Variants in AKAP6 observed in about 807,000 individuals in gnomAD.
The protein encoded by AKAP6 is A-kinase anchoring protein 6.
Under a neutral mutation model 188.5 loss-of-function variants are expected in AKAP6, and 58 were observed. The observed-to-expected ratio is 0.31, with a 90% CI of 0.25 to 0.38. The LOEUF is 0.38. Among genes scored for constraint, AKAP6 ranks in the 10% least tolerant of loss-of-function variants. The pLI is 1.00. For missense variants in AKAP6, 2,710 were observed against 2,740.0 expected (o/e 0.99, Z 0.24); for synonymous variants, 989 against 998.6 (o/e 0.99, Z 0.18).
chr14:32,823,610 T>C lies in AKAP6; in HGVS notation c.5797T>C (p.Cys1933Arg), dbSNP rs960493071. 6.2e-7 allele frequency: 1 copy of C among 1,613,862 alleles called. No homozygotes were observed. The highest frequency in any genetic ancestry group is 2.2e-5 in the East Asian group (1 of 44,872). The part of the protein sequence containing the change: ...HGKEISESEH[C>R]KCKALMDSLD... ...GAAAGAGATTTCAGAGAGTGAGCAT[T>C]GTAAGTGTAAAGCACTTATGGATAG... is the stretch of plus-strand genomic sequence containing the variant. Residue 1933 changes from cysteine to arginine, a missense_variant, in exon 13 of 14, where the codon TGT (cysteine) becomes CGT (arginine). By Grantham distance (180) the Cys-to-Arg change is radical. Coordinates refer to ENST00000280979, the MANE Select transcript of AKAP6 (RefSeq NM_004274.5).
intron 5 of AKAP6, among the ~76,000 whole-genome samples, chr14:32,585,043 T>C (rs948431614): frequency 5.3e-5 from 8 of 151,400 alleles, no homozygotes; most frequent in South Asian, 2.1e-4. Flanking sequence ...TTTTTTTTTT[T>C]CCCCTTTAAG....
At position 32,822,306 on chromosome 14, in the gene AKAP6, T is replaced by G; in HGVS notation, c.4493T>G (p.Leu1498Arg). 1 of 1,613,980 alleles carries G rather than the reference T, an allele frequency of 6.2e-7. No individual in the cohort carries two copies. Among genetic ancestry groups the G allele is most frequent in the Non-Finnish European group, 8.5e-7 (1 of 1,179,938 alleles). The change falls in exon 13 of 14, where the codon CTG becomes CGG. Residue 1498 changes from leucine to arginine, a missense_variant. Physicochemically the swap from Leu to Arg is moderately radical, Grantham distance 102. Transcript: ENST00000280979. ...QSEKAHVEDP[L>R]LRGFYFDKKS... The stretch of plus-strand genomic sequence containing the variant: ...GAAAAAGCGCATGTGGAGGATCCCC[T>G]GCTTCGTGGTTTTTATTTTGATAAA...
At chr14:32,813,490 T>C (rs943054878) in intron 12 of AKAP6, among the ~76,000 whole-genome samples, 3 of 144,828 alleles carry the variant, frequency 2.1e-5, no homozygotes, top group African/African-American at 7.6e-5. Flanking sequence ...AACCTGAGGC[T>C]ATCTCAGGAC....
chr14:32,489,620 GA>G (rs1879894015), intron 2 of AKAP6, among the ~76,000 whole-genome samples: 1 of 152,138 alleles, frequency 6.6e-6, no homozygotes, highest in African/African-American at 2.4e-5. Flanking sequence ...AACAAAAATA[GA>G]ACTTTGCCAG....
At chr14:32,506,046 G>T (rs1018691250) in intron 2 of AKAP6, among the ~76,000 whole-genome samples, 3 of 152,032 alleles carry the variant, frequency 2.0e-5, no homozygotes, top group African/African-American at 7.2e-5. Context: ...GGGAGGCTGA[G>T]GCAGGAGAAT....
intron 5 of AKAP6, among the ~76,000 whole-genome samples, chr14:32,581,341 G>A (rs1309879506): frequency 6.6e-6 from 1 of 152,160 alleles, no homozygotes; most frequent in African/African-American, 2.4e-5. Context: ...TAGTTTGATT[G>A]CACTATGGTC....
intron 9 of AKAP6, among the ~76,000 whole-genome samples, chr14:32,723,792 T>C (rs987894593): frequency 1.3e-5 from 2 of 152,182 alleles, no homozygotes; most frequent in African/African-American, 4.8e-5. Context: ...TTATGCATTG[T>C]CTTTATTTAA....
At chr14:32,777,054 C>A (rs1037567762) in intron 12 of AKAP6, among the ~76,000 whole-genome samples, 2 of 152,186 alleles carry the variant, frequency 1.3e-5, no homozygotes, top group Non-Finnish European at 2.9e-5. Flanking sequence ...AAACCCTCAT[C>A]ATTCACAAGG....
intron 9 of AKAP6, among the ~76,000 whole-genome samples, chr14:32,710,615 A>G (rs892105200): frequency 6.6e-6 from 1 of 151,996 alleles, no homozygotes; most frequent in Non-Finnish European, 1.5e-5. Context: ...AGACGAAAAA[A>G]AACAGCCATG....
intron 2 of AKAP6, among the ~76,000 whole-genome samples, chr14:32,493,501 G>A (rs766453232): frequency 6.6e-6 from 1 of 152,058 alleles, no homozygotes; most frequent in Admixed American, 6.5e-5. Context: ...GTGAGCTACC[G>A]CACCCGGCCT....
At chr14:32,788,875 G>A (rs1203115308) in intron 12 of AKAP6, among the ~76,000 whole-genome samples, 1 of 152,134 alleles carries the variant, frequency 6.6e-6, no homozygotes, top group Admixed American at 6.5e-5. Flanking sequence ...GTCATTCTGC[G>A]GGCCCCACTT....
chr14:32,817,522 T>TGTG (rs2034418378), intron 12 of AKAP6, among the ~76,000 whole-genome samples: 1 of 149,498 alleles, frequency 6.7e-6, no homozygotes, highest in African/African-American at 2.5e-5. Context: ...TGTGTGTGTG[T>TGTG]AATTATTTAT....
intron 1 of AKAP6, among the ~76,000 whole-genome samples, chr14:32,398,635 C>T (rs558950732): frequency 3.7e-4 from 56 of 152,218 alleles, no homozygotes; most frequent in Non-Finnish European, 6.5e-4. Context: ...AGGGGACAGT[C>T]TCTGTGAATA....
chr14:32,586,133 G>T (rs551009710), intron 5 of AKAP6, among the ~76,000 whole-genome samples: 1 of 152,094 alleles, frequency 6.6e-6, no homozygotes, highest in African/African-American at 2.4e-5. Flanking sequence ...ATGGATTTGG[G>T]TATAGTATTT....
At chr14:32,351,182 T>C (rs1227781322) in intron 1 of AKAP6, among the ~76,000 whole-genome samples, 1 of 152,248 alleles carries the variant, frequency 6.6e-6, no homozygotes, top group East Asian at 1.9e-4. Context: ...ATATATCTTA[T>C]AGACATTAAA....
At chr14:32,758,026 T>C (rs2032403523) in intron 11 of AKAP6, among the ~76,000 whole-genome samples, 1 of 152,234 alleles carries the variant, frequency 6.6e-6, no homozygotes, top group East Asian at 1.9e-4. Flanking sequence ...TGAGTCTGTG[T>C]ATCTTGTCAA....
chr14:32,674,727 A>T (rs1339894098), intron 7 of AKAP6, among the ~76,000 whole-genome samples: 1 of 152,148 alleles, frequency 6.6e-6, no homozygotes, highest in Non-Finnish European at 1.5e-5. Flanking sequence ...ATGTCAGGTG[A>T]TTGGAGGTGA....
chr14:32,678,293 C>A lies in AKAP6; in HGVS notation c.2731-18C>A. 1 of 1,599,664 alleles carries A rather than the reference C, an allele frequency of 6.3e-7. No homozygotes were observed. The highest frequency in any genetic ancestry group is 8.6e-7 in the Non-Finnish European group (1 of 1,169,506). ...CTTCTGGATTAAAACAGCAATTTCT[C>A]TTTGTTTCTCTTTCCAGGCTGAGGT... On this transcript the variant is annotated intron_variant, in intron 7 of 13. Transcript: ENST00000280979.
intron 3 of AKAP6, among the ~76,000 whole-genome samples, chr14:32,544,245 A>G (rs1223384274): frequency 6.6e-6 from 1 of 152,070 alleles, no homozygotes; most frequent in Non-Finnish European, 1.5e-5. Flanking sequence ...TTCTTTTTTC[A>G]TTTCCTAAGG....
Sources: gnomAD v4.1 joint callset for allele counts (sites outside exome capture counted in the v4.1 genomes callset) on GRCh38, gnomAD v4.1.1 for gene constraint, MANE v1.5 for transcripts, NCBI Gene and HGNC (gene_info 2026-07-23, HGNC 2026-07-21) for gene names.